Variants in CDH3 observed in about 807,000 individuals in gnomAD.
CDH3 encodes the protein cadherin 3.
Under a neutral mutation model 82.0 loss-of-function variants are expected in CDH3, and 54 were observed. The observed-to-expected ratio is 0.66, with a 90% CI of 0.53 to 0.83. The LOEUF (loss-of-function observed/expected upper bound fraction) is 0.83, where lower values mean the gene tolerates loss of function less well. Among genes scored for constraint, CDH3 ranks in the 40% least tolerant of loss-of-function variants. CDH3 has a pLI of 0.00. For missense variants in CDH3, 1,054 were observed against 1,084.6 expected (o/e 0.97, Z 0.40); for synonymous variants, 446 against 437.9 (o/e 1.02, Z -0.23).
At position 68,684,811 on chromosome 16, in the gene CDH3, A is replaced by C; in HGVS notation, c.1411A>C (p.Asn471His). Residue 471 changes from asparagine to histidine, a missense_variant, in exon 10 of 16, where the codon AAT becomes CAT. Coordinates refer to ENST00000264012, the MANE Select transcript of CDH3 (RefSeq NM_001793.6). ...VYTAEDPDKE[N>H]QKISYRILRD... ...CACTGCAGAAGACCCTGACAAGGAG[A>C]ATCAAAAGATCAGGTACTCAGGAGC... The C allele has an allele frequency of 6.2e-7, 1 of 1,614,176 alleles. No homozygotes were observed. The highest frequency in any genetic ancestry group is 8.5e-7 in the Non-Finnish European group (1 of 1,180,020).
chr16:68,650,947 AAAAAAAAG>A (rs1464108722), intron 2 of CDH3: 1 of 199,242 alleles, frequency 5.0e-6, no homozygotes, highest in Non-Finnish European at 1.0e-5. Flanking sequence ...TAAAAAAAAA[AAAAAAAAG>A]AAGAGGAAAA....
chr16:68,722,693 C>T (rs1962177839), intron 2 of CDH3: 1 of 152,170 alleles, frequency 6.6e-6, no homozygotes, highest in African/African-American at 2.4e-5. Context: ...CCCCAGAGAC[C>T]CAGGATCCCA....
chr16:68,655,854 C>A (rs942828478), intron 2 of CDH3, among the ~76,000 whole-genome samples: 2 of 151,896 alleles, frequency 1.3e-5, no homozygotes, highest in Non-Finnish European at 2.9e-5. Context: ...CAGAGCGAGA[C>A]GCCGTCTCAA....
chr16:68,705,900 C>T (rs1256808579), intron 1 of CDH3, among the ~76,000 whole-genome samples: 2 of 151,422 alleles, frequency 1.3e-5, no homozygotes, highest in African/African-American at 2.4e-5. Flanking sequence ...CCCATCTCTA[C>T]TAAAAATACA....
At chr16:68,670,432 T>C (rs138194756) in intron 2 of CDH3, among the ~76,000 whole-genome samples, 7 of 152,076 alleles carry the variant, frequency 4.6e-5, no homozygotes, top group Middle Eastern at 3.4e-3. Context: ...TAATGGTCTG[T>C]AAGGTTCTGG....
At chr16:68,684,982 T>C (rs549526497) in intron 10 of CDH3, among the ~76,000 whole-genome samples, 158 bp downstream of exon 10, 42 of 152,306 alleles carry the variant, frequency 2.8e-4, no homozygotes, top group African/African-American at 9.6e-4. Flanking sequence ...GGCTGAAGAC[T>C]GAATAGGGGT....
chr16:68,721,259 T>G (rs1401890000), intron 1 of CDH3, among the ~76,000 whole-genome samples: 3 of 128,336 alleles, frequency 2.3e-5, no homozygotes, highest in Admixed American at 9.2e-5. Context: ...TGAGATGGAG[T>G]CTCGCTGTTG....
At position 68,666,681 on chromosome 16, in the gene CDH3, T is replaced by C. The variant is rs144698666; in HGVS notation, c.161-9704T>C. Among the ~76,000 whole-genome samples, 1,415 of 152,324 alleles carry C rather than the reference T, an allele frequency of 9.3e-3. 20 individuals are homozygous for C. Among genetic ancestry groups the C allele is most frequent in the African/African-American group, 0.032 (1,333 of 41,560 alleles). On this transcript the variant is annotated intron_variant, in intron 2 of 15. Transcript: ENST00000264012. ...CAGGGCTCAGCCCCTCTCTCTCTCT[T>C]CTTTTTGGTACAAGAATAAAACTAT...
At chr16:68,720,565 C>T (rs1360209443) in intron 1 of CDH3, among the ~76,000 whole-genome samples, 1 of 151,942 alleles carries the variant, frequency 6.6e-6, no homozygotes, top group Non-Finnish European at 1.5e-5. Flanking sequence ...TGTGTTTTTT[C>T]ACATCAGAAG....
intron 2 of CDH3, among the ~76,000 whole-genome samples, chr16:68,646,630 G>A (rs913863863): frequency 9.9e-5 from 15 of 151,536 alleles, no homozygotes; most frequent in Admixed American, 2.6e-4. Flanking sequence ...TCTCCCTCTA[G>A]GTTAAGAGGA....
intron 2 of CDH3, among the ~76,000 whole-genome samples, chr16:68,652,213 A>G (rs539709989): frequency 1.3e-5 from 2 of 152,198 alleles, no homozygotes; most frequent in South Asian, 4.1e-4. Flanking sequence ...TGGGAACTGG[A>G]CCTTCAAGCC....
downstream of CDH3, among the ~76,000 whole-genome samples, chr16:68,728,144 C>T (rs551219127): frequency 7.1e-6 from 1 of 141,678 alleles, no homozygotes; most frequent in East Asian, 2.1e-4. Context: ...CTCCATCCCA[C>T]AGTACCTTAT....
At chr16:68,675,210 T>A (rs1240086407) in intron 2 of CDH3, among the ~76,000 whole-genome samples, 1 of 152,184 alleles carries the variant, frequency 6.6e-6, no homozygotes, top group African/African-American at 2.4e-5. Flanking sequence ...AAAATAATAA[T>A]AATCTGAAAC....
intron 1 of CDH3, among the ~76,000 whole-genome samples, chr16:68,711,470 A>G (rs1962030617): frequency 6.6e-6 from 1 of 152,218 alleles, no homozygotes; most frequent in Admixed American, 6.5e-5. Flanking sequence ...GTTCAGGTGC[A>G]GCAGGGCTAC....
chr16:68,680,706 G>A (rs887390488), intron 7 of CDH3, among the ~76,000 whole-genome samples: 57 of 152,174 alleles, frequency 3.7e-4, no homozygotes, highest in Non-Finnish European at 1.2e-4. Flanking sequence ...TCATTCTGGA[G>A]CAGTTAAGGG....
At chr16:68,697,904 G>A (rs1201175011) in intron 15 of CDH3, among the ~76,000 whole-genome samples, 2 of 152,140 alleles carry the variant, frequency 1.3e-5, no homozygotes, top group South Asian at 2.1e-4. Context: ...GGCATAGAGT[G>A]GTTAAGGGAC....
At position 68,707,961 on chromosome 16, in the gene CDH3, G is replaced by C. The variant is rs574704886; in HGVS notation, c.99+12038G>C. Among the ~76,000 whole-genome samples, 1 of 152,128 alleles carries C rather than the reference G, an allele frequency of 6.6e-6. No individual in the cohort carries two copies. The highest frequency in any genetic ancestry group is 1.5e-5 in the Non-Finnish European group (1 of 68,024). On this transcript the variant is annotated intron_variant, in intron 1 of 2. Coordinates refer to the CDH3 transcript ENST00000569080. The surrounding 1 kb of genome is among the most constrained non-coding windows in gnomAD (Gnocchi z 4.5). ...GGCCAGCCCACAGCTGACAGGGCAG[G>C]GCGCTGAGACCTCTGTGTGTCCTCC...
chr16:68,691,714 C>T lies in CDH3; in HGVS notation c.1796-6C>T, dbSNP rs199848378. On this transcript the variant is annotated splice_polypyrimidine_tract_variant and splice_region_variant and intron_variant, in intron 12 of 15. Coordinates refer to ENST00000264012, the MANE Select transcript of CDH3 (RefSeq NM_001793.6). ...CCACAGCTAATCAATGATCTGTTCACTCCAGGTGACACAGTGGTCTTGTCC... is the reference window on the plus strand; with the variant it reads ...CCACAGCTAATCAATGATCTGTTCATTCCAGGTGACACAGTGGTCTTGTCC... 1.7e-5 allele frequency: 28 copies of T among 1,611,446 alleles called. No individual in the cohort carries two copies. In the African/African-American group the frequency reaches 3.2e-4, roughly 18 times the overall value.
chr16:68,652,233 G>T lies in CDH3; in HGVS notation c.160+6483G>T, dbSNP rs570104612. Among the ~76,000 whole-genome samples, 11 of 152,210 alleles carry T rather than the reference G, an allele frequency of 7.2e-5. No homozygotes were observed. The South Asian group carries it at 2.1e-3, about 29-fold the overall frequency. On this transcript the variant is annotated intron_variant, in intron 2 of 15. Transcript: ENST00000264012. ...ACTGGACCTTCAAGCCTAGCAGGCCGCTTTCCTGGCTTAGCAGCAGAGTAG... is the reference window on the plus strand; with the variant it reads ...ACTGGACCTTCAAGCCTAGCAGGCCTCTTTCCTGGCTTAGCAGCAGAGTAG...
Sources: allele counts gnomAD v4.1 joint callset (sites outside exome capture counted in the v4.1 genomes callset), GRCh38; gene constraint gnomAD v4.1.1; non-coding constraint Gnocchi (gnomAD v3.1); transcripts MANE v1.5; gene names NCBI Gene and HGNC (gene_info 2026-07-23, HGNC 2026-07-21).